FAM107B: variants seen among roughly 807,000 people sequenced by gnomAD.
FAM107B encodes the protein family with sequence similarity 107 member B.
In FAM107B, 21 loss-of-function variants were observed where a neutral mutation model predicts 31.5. The observed-to-expected ratio is 0.67, with a 90% CI of 0.47 to 0.96. The LOEUF is 0.96. Among genes scored for constraint, FAM107B ranks in the 40% least tolerant of loss-of-function variants. FAM107B has a pLI of 0.00. For missense variants in FAM107B, 452 were observed against 377.1 expected (o/e 1.20, Z -1.64); for synonymous variants, 157 against 141.5 (o/e 1.11, Z -0.78).
chr10:14,722,755 C>T (rs138527218), intron 1 of FAM107B, among the ~76,000 whole-genome samples: 1 of 152,070 alleles, frequency 6.6e-6, no homozygotes, highest in African/African-American at 2.4e-5. Context: ...TTTCTCTTAT[C>T]CCATAGGTTG....
At chr10:14,558,601 T>A (rs1466633489) in intron 2 of FAM107B, among the ~76,000 whole-genome samples, 5 of 144,550 alleles carry the variant, frequency 3.5e-5, no homozygotes, top group African/African-American at 1.0e-4. Flanking sequence ...TTTTTTTTTT[T>A]AACTGTATTC....
intron 2 of FAM107B, among the ~76,000 whole-genome samples, chr10:14,562,348 G>A (rs560555953): frequency 1.3e-5 from 2 of 152,316 alleles, no homozygotes; most frequent in Non-Finnish European, 2.9e-5. Context: ...TCTAAACCCT[G>A]AGAGTCACTG....
At chr10:14,737,746 C>T (rs1373230533) in intron 1 of FAM107B, among the ~76,000 whole-genome samples, 5 of 149,586 alleles carry the variant, frequency 3.3e-5, no homozygotes, top group Non-Finnish European at 5.9e-5. Context: ...CTGGCCCATG[C>T]AGTGCTGTGC....
At chr10:14,526,146 C>G (rs1350635048) in intron 3 of FAM107B, among the ~76,000 whole-genome samples, 1 of 152,192 alleles carries the variant, frequency 6.6e-6, no homozygotes, top group African/African-American at 2.4e-5. Context: ...TCTTAGGGTA[C>G]AGGGAAAATT....
chr10:14,547,379 A>G (rs950723610), intron 2 of FAM107B, among the ~76,000 whole-genome samples: 1 of 152,104 alleles, frequency 6.6e-6, no homozygotes, highest in Non-Finnish European at 1.5e-5. Flanking sequence ...TCATTTTGTA[A>G]GTTTTTCATC....
chr10:14,572,813 T>C (rs1365626706), intron 2 of FAM107B, among the ~76,000 whole-genome samples: 1 of 148,578 alleles, frequency 6.7e-6, no homozygotes, highest in Non-Finnish European at 1.5e-5. Context: ...TATACATATA[T>C]ATTAGATTGG....
At chr10:14,754,973 T>C (rs938060058) in intron 1 of FAM107B, among the ~76,000 whole-genome samples, 11 of 152,214 alleles carry the variant, frequency 7.2e-5, no homozygotes, top group African/African-American at 1.7e-4. Flanking sequence ...GATTCCTAAC[T>C]GCGTTTCTGA....
chr10:14,736,140 C>T (rs1588742617), intron 1 of FAM107B, among the ~76,000 whole-genome samples: 1 of 152,082 alleles, frequency 6.6e-6, no homozygotes, highest in East Asian at 1.9e-4. Context: ...CAGCATGTAC[C>T]TCCAGAATAT....
intron 1 of FAM107B, among the ~76,000 whole-genome samples, chr10:14,747,567 G>C (rs1832750700): frequency 6.6e-6 from 1 of 152,154 alleles, no homozygotes; most frequent in Non-Finnish European, 1.5e-5. Context: ...GGTGGCTGCA[G>C]TTTGCTGGGG....
chr10:14,766,976 G>C (rs1408801018), intron 1 of FAM107B, among the ~76,000 whole-genome samples: 2 of 136,500 alleles, frequency 1.5e-5, no homozygotes, highest in African/African-American at 2.6e-5. Context: ...ACCAAAGTTA[G>C]ACAAAGGCAC....
At chr10:14,663,886 C>CAAAAAA (rs1854329949) in intron 2 of FAM107B, among the ~76,000 whole-genome samples, 2 of 7,758 alleles carry the variant, frequency 2.6e-4, no homozygotes, top group African/African-American at 6.8e-4. Context: ...AGATCATCAG[C>CAAAAAA]CAAAAAAAAA....
intron 2 of FAM107B, among the ~76,000 whole-genome samples, chr10:14,603,581 C>A (rs1852475953): frequency 6.6e-6 from 1 of 152,220 alleles, no homozygotes; most frequent in African/African-American, 2.4e-5. Context: ...TGGCCATACC[C>A]ATCAGTGCCA....
chr10:14,585,617 A>G (rs1383893593), intron 2 of FAM107B, among the ~76,000 whole-genome samples: 1 of 152,234 alleles, frequency 6.6e-6, no homozygotes, highest in Non-Finnish European at 1.5e-5. Context: ...ACGGCCATCT[A>G]AAACACACAC....
At chr10:14,609,781 T>C (rs891023705) in intron 2 of FAM107B, among the ~76,000 whole-genome samples, 1 of 152,162 alleles carries the variant, frequency 6.6e-6, no homozygotes, top group African/African-American at 2.4e-5. Flanking sequence ...GTGGAGGCTA[T>C]CTTAGAATTC....
chr10:14,568,358 G>A (rs1850860547), intron 2 of FAM107B, among the ~76,000 whole-genome samples: 3 of 151,934 alleles, frequency 2.0e-5, no homozygotes, highest in Non-Finnish European at 4.4e-5. Flanking sequence ...GCTGGCTGAT[G>A]ATCCCAGGGT....
intron 2 of FAM107B, among the ~76,000 whole-genome samples, chr10:14,662,347 C>A (rs1467736742): frequency 1.3e-5 from 2 of 149,944 alleles, no homozygotes; most frequent in Non-Finnish European, 3.0e-5. Flanking sequence ...CTGCTGGAGG[C>A]AATTCTCCCT....
intron 1 of FAM107B, among the ~76,000 whole-genome samples, chr10:14,730,461 A>T (rs969065363): frequency 3.3e-5 from 5 of 152,208 alleles, no homozygotes; most frequent in Non-Finnish European, 7.3e-5. Flanking sequence ...TAGGAGCAAG[A>T]GCATTAGGAA....
intron 1 of FAM107B, among the ~76,000 whole-genome samples, chr10:14,773,931 A>G (rs1283683973): frequency 2.6e-5 from 4 of 152,174 alleles, no homozygotes; most frequent in African/African-American, 9.7e-5. Context: ...AAAAGGAAAA[A>G]AATGTTTTTG....
chr10:14,646,326 C>T (rs1371726103), intron 2 of FAM107B, among the ~76,000 whole-genome samples: 1 of 152,054 alleles, frequency 6.6e-6, no homozygotes, highest in African/African-American at 2.4e-5. Flanking sequence ...ATTTTTCATT[C>T]CTCACCCCCG....
Sources: gnomAD v4.1 joint callset for allele counts (sites outside exome capture counted in the v4.1 genomes callset) on GRCh38, gnomAD v4.1.1 for gene constraint, MANE v1.5 for transcripts, NCBI Gene and HGNC (gene_info 2026-07-23, HGNC 2026-07-21) for gene names.